Variants in USP22 observed in about 807,000 individuals in gnomAD.
USP22 encodes the protein ubiquitin carboxyl-terminal hydrolase 22.
A neutral mutation model predicts 68.1 loss-of-function variants in USP22; 22 were observed. That is an observed-to-expected ratio of 0.32 (90% CI 0.23 to 0.46). The LOEUF (loss-of-function observed/expected upper bound fraction) is 0.46, where lower values mean the gene tolerates loss of function less well. Ranked by LOEUF, USP22 falls within the 20% of genes least tolerant of loss-of-function variation. The pLI, the probability that USP22 is intolerant of heterozygous loss-of-function variation, is 1.00. For missense variants in USP22, 433 were observed against 695.8 expected (o/e 0.62, Z 4.25); for synonymous variants, 279 against 274.2 (o/e 1.02, Z -0.17).
intron 1 of USP22, among the ~76,000 whole-genome samples, chr17:21,031,424 G>A (rs986959970): frequency 6.6e-6 from 1 of 152,362 alleles, no homozygotes; most frequent in African/African-American, 2.4e-5. Flanking sequence ...CTCCTGCTGT[G>A]CTACACACTC....
chr17:21,010,837 T>G (rs1007803782), intron 8 of USP22, among the ~76,000 whole-genome samples: 8 of 152,008 alleles, frequency 5.3e-5, no homozygotes, highest in African/African-American at 1.9e-4. Flanking sequence ...CAGCTCACAC[T>G]CCGGGGTAGG....
At chr17:21,018,322 C>A in intron 4 of USP22, 1 of 474,018 alleles carries the variant, frequency 2.1e-6, no homozygotes, top group Middle Eastern at 5.4e-4. Context: ...ACCCCTCCCA[C>A]TTCAGCCATT....
At chr17:21,009,527 TAAC>T (rs896852171) in intron 8 of USP22, among the ~76,000 whole-genome samples, 7 of 152,334 alleles carry the variant, frequency 4.6e-5, no homozygotes, top group African/African-American at 1.7e-4. Flanking sequence ...ATGTCTCTCC[TAAC>T]AACACAGGCT....
Position 21,002,950 on chromosome 17 carries a change from G to A in USP22, c.*81C>T, listed in dbSNP as rs879473005. 1 of 1,555,404 alleles carries A rather than the reference G, an allele frequency of 6.4e-7. No individual in the cohort carries two copies. The highest frequency in any genetic ancestry group is 8.8e-7 in the Non-Finnish European group (1 of 1,138,148). On this transcript the variant is annotated 3_prime_UTR_variant, in exon 13 of 13. Coordinates refer to ENST00000261497, the MANE Select transcript of USP22 (RefSeq NM_015276.2). ...GCCGGGGAGGCGGCGGGAGACTTGGGGGAGGGGGGGGCCAGGGAGGATCAC... is the reference window on the plus strand; with the variant it reads ...GCCGGGGAGGCGGCGGGAGACTTGGAGGAGGGGGGGGCCAGGGAGGATCAC...
rs543612939 is a variant in USP22, at chr17:21,031,549, C to A, written c.172-2875G>T. On this transcript the variant is annotated intron_variant, in intron 1 of 12. Transcript: ENST00000261497. ...CACACTCCATTATAGTCTATCTCTA[C>A]TACACAACCTAGGACTGTGCTACAC... 9.3e-5 allele frequency among the ~76,000 whole-genome samples: 14 copies of A among 150,794 alleles called. No homozygotes were observed. In the East Asian group the frequency reaches 2.7e-3, roughly 29 times the overall value.
At chr17:21,012,133 A>G (rs958403487) in intron 7 of USP22, among the ~76,000 whole-genome samples, 2 of 152,160 alleles carry the variant, frequency 1.3e-5, no homozygotes, top group Non-Finnish European at 2.9e-5. Flanking sequence ...AACTGAAGTA[A>G]AGAACAGAGC....
intron 2 of USP22, among the ~76,000 whole-genome samples, chr17:21,025,550 T>C (rs1470445265): frequency 1.3e-5 from 2 of 152,088 alleles, no homozygotes; most frequent in Non-Finnish European, 2.9e-5. Context: ...ACACACAATG[T>C]CCACAGTGGC....
chr17:21,014,093 C>G (rs1427512725), intron 6 of USP22, among the ~76,000 whole-genome samples: 1 of 152,168 alleles, frequency 6.6e-6, no homozygotes, highest in African/African-American at 2.4e-5. Context: ...CAAAACAAAA[C>G]AAAAGATGAA....
chr17:21,030,638 G>A (rs1477630961), intron 1 of USP22, among the ~76,000 whole-genome samples: 1 of 152,224 alleles, frequency 6.6e-6, no homozygotes, highest in Non-Finnish European at 1.5e-5. Flanking sequence ...TCTGGAACCT[G>A]CTCCTGAGAA....
In USP22 at chr17:21,002,873, A is replaced by T; in HGVS notation, c.*158T>A. ...CGTCCGTGTGGTCCATCCCGACCCG[A>T]TGGGTCCCAGGTGCAGAGGGGCCAC... is the stretch of plus-strand genomic sequence containing the variant. On this transcript the variant is annotated 3_prime_UTR_variant, in exon 13 of 13. Coordinates refer to ENST00000261497, the MANE Select transcript of USP22 (RefSeq NM_015276.2). 1 of 850,684 alleles carries T rather than the reference A, an allele frequency of 1.2e-6. No homozygotes were observed. The highest frequency in any genetic ancestry group is 3.6e-4 in the Middle Eastern group (1 of 2,740). The allele number at this position is 850,684 out of a possible 1,614,324, so 52.7% of individuals were successfully genotyped here.
intron 6 of USP22, among the ~76,000 whole-genome samples, chr17:21,014,181 C>T (rs1310353594): frequency 6.6e-6 from 1 of 152,272 alleles, no homozygotes; most frequent in Non-Finnish European, 1.5e-5. Context: ...CGCTGAACAG[C>T]TCTGGCAACC....
At chr17:21,005,022 T>C (rs185468051) in intron 10 of USP22, 32 bp from the exon 11 acceptor site, 58 of 1,612,476 alleles carry the variant, frequency 3.6e-5, no homozygotes, top group Admixed American at 3.3e-4. Flanking sequence ...TTCAGCATCA[T>C]TAAAATCATC....
chr17:21,024,525 C>G (rs1972196844), intron 2 of USP22, among the ~76,000 whole-genome samples: 1 of 152,084 alleles, frequency 6.6e-6, no homozygotes, highest in Non-Finnish European at 1.5e-5. Context: ...ATACTGTATA[C>G]AAAAAATTAA....
intron 8 of USP22, among the ~76,000 whole-genome samples, chr17:21,010,705 T>C (rs991324855): frequency 6.6e-6 from 1 of 151,634 alleles, no homozygotes; most frequent in Non-Finnish European, 1.5e-5. Flanking sequence ...TTATTACTTA[T>C]CCCAAATGAA....
intron 2 of USP22, among the ~76,000 whole-genome samples, chr17:21,022,707 G>C (rs1455282960): frequency 6.6e-6 from 1 of 151,762 alleles, no homozygotes; most frequent in Non-Finnish European, 1.5e-5. Flanking sequence ...GCTGAGGCAG[G>C]AGAATGGCGT....
In USP22 at chr17:21,018,285, G is replaced by A. The variant is rs575023477; in HGVS notation, c.521-174C>T. ...GTTTTTATGCCACTTTTACATGAAC[G>A]GTATTGAAGAATGTCCACCACCATG... On this transcript the variant is annotated intron_variant, in intron 4 of 12. Transcript: ENST00000261497. 5.2e-4 allele frequency: 304 copies of A among 586,664 alleles called. 1 individual carries two copies. In the African/African-American group the frequency reaches 5.5e-3, roughly 11 times the overall value. The allele number at this position is 586,664 out of a possible 1,614,324, so 36.3% of individuals were successfully genotyped here. A position where few individuals can be genotyped will look rare whatever the true frequency, so the allele number is the denominator to read the frequency against.
At chr17:21,004,019 C>G (rs1399999127) in intron 12 of USP22, among the ~76,000 whole-genome samples, 183 bp downstream of exon 12, 2 of 152,196 alleles carry the variant, frequency 1.3e-5, no homozygotes, top group African/African-American at 4.8e-5. Flanking sequence ...GCTCAGGCAC[C>G]TCTTCTCCCA....
chr17:21,006,651 C>CCTG, intron 10 of USP22: 1 of 203,168 alleles, frequency 4.9e-6, no homozygotes, highest in East Asian at 1.2e-4. Flanking sequence ...ACTACAGGTG[C>CCTG]CTGCCACCAC....
rs371149855 is a variant in USP22, at chr17:21,021,177, G to A, written c.354C>T (p.Tyr118=). The A allele has an allele frequency of 5.6e-6, 9 of 1,614,046 alleles. No homozygotes were observed. In the African/African-American group the frequency reaches 8.0e-5, roughly 14 times the overall value. The change falls in exon 3 of 13, where the codon TAC becomes TAT. Residue 118 remains tyrosine (Y), a synonymous_variant. Coordinates refer to ENST00000261497, the MANE Select transcript of USP22 (RefSeq NM_015276.2). The part of the protein sequence containing the change: ...GGIYCFLCQD[Y]IYDKDMEIIA... ...TTATTTCCATGTCTTTGTCATAGAT[G>A]TAGTCCTGGCACAGAAAACAGTAGA...
Sources: gnomAD v4.1 joint callset for allele counts (sites outside exome capture counted in the v4.1 genomes callset) on GRCh38, gnomAD v4.1.1 for gene constraint, MANE v1.5 for transcripts, NCBI Gene and HGNC (gene_info 2026-07-23, HGNC 2026-07-21) for gene names.